The following DMD variants were observed in gnomAD, a reference collection of about 807,000 sequenced individuals.
The protein encoded by DMD is dystrophin.
Under a neutral mutation model 330.1 loss-of-function variants are expected in DMD, and 63 were observed. The observed-to-expected ratio is 0.19, with a 90% confidence interval of 0.16 to 0.24. The LOEUF is 0.24. DMD is among the 10% of genes least tolerant of loss of function. The probability of loss-of-function intolerance (pLI) is 1.00; values close to 1 mark genes in which losing one functional copy is unlikely to be tolerated. For synonymous variants in DMD, 1,223 were observed against 959.8 expected, an observed-to-expected ratio of 1.27 and a Z score of -5.07; for missense variants, 3,344 against 2,684.1, an observed-to-expected ratio of 1.25 and a Z score of -5.43.
At chrX:32,086,498 C>A (rs762208905) in intron 44 of DMD, among the ~76,000 whole-genome samples, 1 of 111,066 alleles carries the variant, frequency 9.0e-6, no homozygotes, top group Non-Finnish European at 1.9e-5. Flanking sequence ...CAGCCTTTGA[C>A]GCAAAAAACT....
intron 1 of DMD, among the ~76,000 whole-genome samples, chrX:33,200,476 G>C (rs1292950629): frequency 9.0e-6 from 1 of 111,385 alleles, no homozygotes; most frequent in Admixed American, 9.6e-5. Flanking sequence ...AATATTGAAA[G>C]AAATGAGCTA....
rs1312156269 is a variant in DMD at position 32,081,620 on chromosome X, A to G, written c.6439-113106T>C. ...CTGTAATCCCAGCACTTTGGGAGGC[A>G]GAAGTGGGTGGATCACCTGAGGTCG... On this transcript the variant is annotated intron_variant, in intron 44 of 78. Transcript: ENST00000357033. Among the ~76,000 whole-genome samples the G allele has an allele frequency of 5.4e-5, 6 of 111,625 alleles. No homozygotes were observed. In the South Asian group the frequency reaches 1.1e-3, roughly 21 times the overall value.
chrX:32,681,168 C>T (rs1228158940), intron 9 of DMD, among the ~76,000 whole-genome samples: 1 of 111,340 alleles, frequency 9.0e-6, no homozygotes, highest in Non-Finnish European at 1.9e-5. Flanking sequence ...AATCATGTCC[C>T]ACCTAAAGTA....
intron 55 of DMD, among the ~76,000 whole-genome samples, chrX:31,531,825 C>G (rs748555781): frequency 0.015 from 1,482 of 101,758 alleles, 27 homozygotes; most frequent in African/African-American, 0.051. Flanking sequence ...GGCTCGAGAA[C>G]TACGTGAAGA....
chrX:33,282,134 G>A (rs973538975), intron 1 of DMD, among the ~76,000 whole-genome samples: 1 of 110,647 alleles, frequency 9.0e-6, no homozygotes, highest in African/African-American at 3.3e-5. Flanking sequence ...GTATCTCTGG[G>A]TGGGGAAGAG....
At chrX:32,695,456 T>A (rs2063578151) in intron 9 of DMD, among the ~76,000 whole-genome samples, 1 of 111,601 alleles carries the variant, frequency 9.0e-6, no homozygotes, top group Admixed American at 9.6e-5. Flanking sequence ...TATTAATATA[T>A]CATAAATCTT....
chrX:32,870,981 A>AAAAAAAG (rs2082936785), intron 2 of DMD, among the ~76,000 whole-genome samples: 4 of 82,566 alleles, frequency 4.8e-5, no homozygotes, highest in East Asian at 3.9e-4. Context: ...AAAAAAAAAA[A>AAAAAAAG]AAAAAAACCA....
At chrX:31,263,206 C>A (rs2050698242) in intron 62 of DMD, among the ~76,000 whole-genome samples, 1 of 112,163 alleles carries the variant, frequency 8.9e-6, no homozygotes, top group African/African-American at 3.2e-5. Flanking sequence ...AGACAGGGAA[C>A]CACGGTGAAA....
chrX:32,503,650 G>A (rs1201487085), intron 18 of DMD, among the ~76,000 whole-genome samples: 1 of 110,858 alleles, frequency 9.0e-6, no homozygotes, highest in Non-Finnish European at 1.9e-5. Flanking sequence ...CTGCCTCCCG[G>A]GTTCAAGCAA....
rs186000300 is a variant in DMD at position 32,670,413 on chromosome X, G to A, written c.961-25261C>T. 6.5e-3 allele frequency among the ~76,000 whole-genome samples: 730 copies of A among 111,678 alleles called. 3 individuals carry two copies. The highest frequency in any genetic ancestry group is 9.9e-3 in the Non-Finnish European group (523 of 53,050). On this transcript the variant is annotated intron_variant, in intron 9 of 78. Transcript: ENST00000357033. Reference sequence around the variant, plus strand: ...CAGAAGACATAACTTAGAAATCATAGGTTTAGGAATTCAAGATGCCTAGGT... The same window carrying A: ...CAGAAGACATAACTTAGAAATCATAAGTTTAGGAATTCAAGATGCCTAGGT...
chrX:32,330,912 A>T (rs765844112), intron 41 of DMD, among the ~76,000 whole-genome samples: 1 of 111,718 alleles, frequency 9.0e-6, no homozygotes, highest in Non-Finnish European at 1.9e-5. Flanking sequence ...CAAAAAAAGG[A>T]AGAAACCAAT....
intron 19 of DMD, among the ~76,000 whole-genome samples, chrX:32,497,183 T>C (rs1392669483): frequency 9.0e-6 from 1 of 111,162 alleles, no homozygotes; most frequent in African/African-American, 3.3e-5. Flanking sequence ...TGAACCAAAA[T>C]ACAAGAAAAA....
chrX:32,491,256 G>A (rs746123442), intron 20 of DMD, 21 bp downstream of exon 20: 1 of 1,209,671 alleles, frequency 8.3e-7, no homozygotes, highest in South Asian at 1.8e-5. Context: ...TGCTCCAAAT[G>A]GAAGGAGAAG....
intron 44 of DMD, among the ~76,000 whole-genome samples, chrX:32,046,680 A>G (rs753963631): frequency 1.8e-5 from 2 of 111,973 alleles, no homozygotes; most frequent in Non-Finnish European, 1.9e-5. Flanking sequence ...GAGCATTGAT[A>G]AGAGAGGCAG....
intron 9 of DMD, among the ~76,000 whole-genome samples, chrX:32,693,355 A>T (rs2063420618): frequency 8.9e-6 from 1 of 112,360 alleles, no homozygotes; most frequent in Admixed American, 9.4e-5. Context: ...TGCATCAAAA[A>T]TCGAACTAAT....
At chrX:31,440,292 G>C (rs55821682) in intron 60 of DMD, among the ~76,000 whole-genome samples, 1 of 109,230 alleles carries the variant, frequency 9.2e-6, no homozygotes, top group Non-Finnish European at 1.9e-5. Flanking sequence ...ATCTACAAGC[G>C]TGCGCCACCA....
chrX:32,002,194 C>T (rs2095631845), intron 44 of DMD, among the ~76,000 whole-genome samples: 2 of 111,681 alleles, frequency 1.8e-5, no homozygotes, highest in African/African-American at 6.5e-5. Flanking sequence ...GTCATTACTT[C>T]GTGTTTGTTC....
At chrX:33,242,076 T>C (rs1309001445) in intron 1 of DMD, among the ~76,000 whole-genome samples, 1 of 112,115 alleles carries the variant, frequency 8.9e-6, no homozygotes, top group Non-Finnish European at 1.9e-5. Flanking sequence ...CCTAAGTATT[T>C]TTTGTAGCTA....
At chrX:31,189,180 C>T (rs898309819) in intron 67 of DMD, among the ~76,000 whole-genome samples, 3 of 111,903 alleles carry the variant, frequency 2.7e-5, no homozygotes, top group Non-Finnish European at 5.6e-5. Flanking sequence ...TGCATCCCAG[C>T]TACCATGAAC....
Sources: gnomAD v4.1 joint callset for allele counts (sites outside exome capture counted in the v4.1 genomes callset) on GRCh38, gnomAD v4.1.1 for gene constraint, MANE v1.5 for transcripts, NCBI Gene and HGNC (gene_info 2026-07-23, HGNC 2026-07-21) for gene names.